CDK14: variants seen among roughly 807,000 people sequenced by gnomAD.
CDK14 encodes cyclin-dependent kinase 14.
In CDK14, 34 loss-of-function variants were observed where a neutral mutation model predicts 60.7. The observed-to-expected ratio is 0.56, with a 90% CI of 0.43 to 0.75. CDK14 has a LOEUF of 0.75. Ranked by LOEUF, CDK14 falls within the 30% of genes least tolerant of loss-of-function variation. CDK14 has a pLI of 0.00. For synonymous variants in CDK14, 197 were observed against 203.7 expected, an observed-to-expected ratio of 0.97 and a Z score of 0.28; for missense variants, 482 against 564.1, an observed-to-expected ratio of 0.85 and a Z score of 1.47.
At chr7:90,931,207 GA>G (rs1399127874) in intron 8 of CDK14, among the ~76,000 whole-genome samples, 2 of 152,150 alleles carry the variant, frequency 1.3e-5, no homozygotes, top group African/African-American at 4.8e-5. Context: ...ACTTTACTTT[GA>G]AATGCACCTA....
chr7:90,959,088 T>G (rs1289706079), intron 9 of CDK14, among the ~76,000 whole-genome samples: 2 of 152,118 alleles, frequency 1.3e-5, no homozygotes, highest in East Asian at 3.9e-4. Flanking sequence ...GAAGATAGCT[T>G]GGACACTTTC....
intron 5 of CDK14, among the ~76,000 whole-genome samples, chr7:90,846,706 A>G (rs1202676427): frequency 6.6e-6 from 1 of 152,186 alleles, no homozygotes; most frequent in Non-Finnish European, 1.5e-5. Flanking sequence ...CGTAGGTGTC[A>G]TCAGTCACCA....
chr7:90,637,176 G>T (rs950254403), intron 2 of CDK14, among the ~76,000 whole-genome samples: 1 of 151,606 alleles, frequency 6.6e-6, no homozygotes, highest in Non-Finnish European at 1.5e-5. Context: ...CCTTCTGCTA[G>T]CTTTTGAATG....
intron 8 of CDK14, among the ~76,000 whole-genome samples, chr7:90,926,323 A>AC (rs1311952030): frequency 4.0e-5 from 6 of 149,644 alleles, no homozygotes. Flanking sequence ...TCTTGAGGAA[A>AC]CTTTAAGAAA....
intron 2 of CDK14, among the ~76,000 whole-genome samples, chr7:90,641,337 C>T (rs1450037165): frequency 1.3e-5 from 2 of 152,024 alleles, no homozygotes; most frequent in African/African-American, 2.4e-5. Context: ...AAGGACAGAG[C>T]AGCATTGTTC....
At chr7:91,001,279 T>C (rs966844401) in intron 10 of CDK14, among the ~76,000 whole-genome samples, 6 of 152,192 alleles carry the variant, frequency 3.9e-5, no homozygotes, top group Admixed American at 1.3e-4. Flanking sequence ...TGAAGACATA[T>C]TGATGCTGAT....
At chr7:91,064,264 A>G (rs1365794633) in intron 11 of CDK14, among the ~76,000 whole-genome samples, 2 of 152,106 alleles carry the variant, frequency 1.3e-5, no homozygotes, top group Non-Finnish European at 2.9e-5. Context: ...AGCTTTGTGC[A>G]TTATCAGGGT....
At chr7:90,987,778 A>G (rs1352571480) in intron 10 of CDK14, among the ~76,000 whole-genome samples, 2 of 152,100 alleles carry the variant, frequency 1.3e-5, no homozygotes, top group African/African-American at 2.4e-5. Flanking sequence ...AGGAATGACT[A>G]TTAAATAGTA....
chr7:90,688,931 A>G (rs1452422920), intron 2 of CDK14, among the ~76,000 whole-genome samples: 1 of 152,022 alleles, frequency 6.6e-6, no homozygotes, highest in Non-Finnish European at 1.5e-5. Context: ...CCAGCAAAAT[A>G]ACTGTGCTGT....
In CDK14 at chr7:91,209,871, G is replaced by T. The variant is rs576476704; in HGVS notation, c.*2735G>T. 17 of 152,688 alleles carry T rather than the reference G, an allele frequency of 1.1e-4. No individual in the cohort carries two copies. Among genetic ancestry groups the T allele is most frequent in the East Asian group, 9.6e-4 (5 of 5,182 alleles). The allele number at this position is 152,688 out of a possible 1,614,324, so 9.5% of individuals were successfully genotyped here. ...TGGGGTGAGAAGCGATTTCTACCTCGCAAGAGTGACTAGAAAGTTTCTAGG... is the reference window on the plus strand; with the variant it reads ...TGGGGTGAGAAGCGATTTCTACCTCTCAAGAGTGACTAGAAAGTTTCTAGG... On this transcript the variant is annotated 3_prime_UTR_variant, in exon 15 of 15. Coordinates refer to ENST00000380050, the MANE Select transcript of CDK14 (RefSeq NM_001287135.2).
At chr7:91,084,739 T>C (rs986204673) in intron 12 of CDK14, among the ~76,000 whole-genome samples, 1 of 152,194 alleles carries the variant, frequency 6.6e-6, no homozygotes, top group African/African-American at 2.4e-5. Flanking sequence ...ATACCCATCT[T>C]CTCTCTTACT....
rs1451928767 is a variant in CDK14 at position 90,666,817 on chromosome 7, C to CCATTGCTTTATGACAGCAAAAT, written c.124-59743_124-59742insTTATGACAGCAAAATCATTGCT. 1.6e-4 allele frequency among the ~76,000 whole-genome samples: 25 copies of CCATTGCTTTATGACAGCAAAAT among 152,282 alleles called. No homozygotes were observed. The South Asian group carries it at 5.0e-3, about 30-fold the overall frequency. ...CATTTTCAGTGGAGAGTCATTAAAG[C>CCATTGCTTTATGACAGCAAAAT]CATTGCTGTCCTGATTGCCACATAG... On this transcript the variant is annotated intron_variant, in intron 2 of 14. Transcript: ENST00000380050.
chr7:91,037,396 C>T (rs1796962316), intron 10 of CDK14, among the ~76,000 whole-genome samples: 1 of 151,848 alleles, frequency 6.6e-6, no homozygotes, highest in Non-Finnish European at 1.5e-5. Context: ...TATAGACATA[C>T]ACGTATGTAT....
At chr7:90,728,683 C>T (rs1802732351) in intron 3 of CDK14, among the ~76,000 whole-genome samples, 2 of 151,940 alleles carry the variant, frequency 1.3e-5, no homozygotes, top group Non-Finnish European at 2.9e-5. Flanking sequence ...TTGGTCTCTG[C>T]CTTACCTGTT....
At chr7:90,939,388 C>T (rs1242761373) in intron 8 of CDK14, among the ~76,000 whole-genome samples, 26 of 152,142 alleles carry the variant, frequency 1.7e-4, no homozygotes, top group Admixed American at 1.6e-3. Context: ...TCATTGCTGC[C>T]AGCTCTTTAT....
At chr7:91,012,310 A>G (rs1039452205) in intron 10 of CDK14, among the ~76,000 whole-genome samples, 4 of 152,044 alleles carry the variant, frequency 2.6e-5, no homozygotes, top group South Asian at 2.1e-4. Context: ...TTCCCTCAAT[A>G]TTTTGGGTAG....
At chr7:90,721,039 G>A (rs931170738) in intron 2 of CDK14, among the ~76,000 whole-genome samples, 8 of 152,004 alleles carry the variant, frequency 5.3e-5, no homozygotes, top group African/African-American at 1.9e-4. Flanking sequence ...GTTCACATAG[G>A]TTTTCTTTTT....
intron 2 of CDK14, among the ~76,000 whole-genome samples, chr7:90,630,252 C>T (rs1181363357): frequency 2.6e-5 from 4 of 152,108 alleles, no homozygotes; most frequent in East Asian, 3.9e-4. Context: ...TTTTGTTGTA[C>T]AGACATCATA....
chr7:91,115,307 G>A (rs1002458977), intron 13 of CDK14, among the ~76,000 whole-genome samples: 3 of 152,100 alleles, frequency 2.0e-5, no homozygotes, highest in Non-Finnish European at 4.4e-5. Flanking sequence ...CAGCAGATTC[G>A]GTTCCTGGTA....
Sources: gnomAD v4.1 joint callset for allele counts (sites outside exome capture counted in the v4.1 genomes callset) on GRCh38, gnomAD v4.1.1 for gene constraint, MANE v1.5 for transcripts, NCBI Gene and HGNC (gene_info 2026-07-23, HGNC 2026-07-21) for gene names.